Variants in MYO3B observed in about 807,000 individuals in gnomAD.
MYO3B encodes the protein myosin IIIB.
Under a neutral mutation model 174.6 loss-of-function variants are expected in MYO3B, and 156 were observed. The observed-to-expected ratio is 0.89, with a 90% confidence interval of 0.78 to 1.02. The LOEUF (loss-of-function observed/expected upper bound fraction) is 1.02. Among genes scored for constraint, MYO3B ranks in the 50% least tolerant of loss-of-function variants. MYO3B has a pLI of 0.00. For missense variants in MYO3B, 1,632 were observed against 1,639.4 expected, an observed-to-expected ratio of 1.00 and a Z score of 0.08; for synonymous variants, 563 against 569.1, an observed-to-expected ratio of 0.99 and a Z score of 0.15.
In MYO3B at chr2:170,499,824, C is replaced by A. The variant is rs1282416783; in HGVS notation, c.3289+16C>A. The A allele has an allele frequency of 1.2e-6, 2 of 1,612,380 alleles. No individual in the cohort carries two copies. Among genetic ancestry groups the A allele is most frequent in the African/African-American group, 1.3e-5 (1 of 75,002 alleles). On this transcript the variant is annotated intron_variant, in intron 27 of 34. Coordinates refer to ENST00000408978, the MANE Select transcript of MYO3B (RefSeq NM_138995.5). ...ATCCAGTCAGGTAAATGGTCCTGTTCTCATAAATACTGCCCTGGGTATTGG... is the reference window on the plus strand; with the variant it reads ...ATCCAGTCAGGTAAATGGTCCTGTTATCATAAATACTGCCCTGGGTATTGG...
rs2094808309 is a variant in MYO3B at position 170,442,499 on chromosome 2, T to G, written c.2651-1468T>G. Reference sequence around the variant, plus strand: ...CTTGTTATTTAGTAGGAGGTGTTCTTTTTTTTTTTTTTTTTTAATTATACT... The same window carrying G: ...CTTGTTATTTAGTAGGAGGTGTTCTGTTTTTTTTTTTTTTTTAATTATACT... On this transcript the variant is annotated intron_variant, in intron 22 of 34. Coordinates refer to ENST00000408978, the MANE Select transcript of MYO3B (RefSeq NM_138995.5). Among the ~76,000 whole-genome samples the G allele has an allele frequency of 1.8e-4, 3 of 16,680 alleles. No individual in the cohort carries two copies. The Admixed American group carries it at 1.9e-3, about 10-fold the overall frequency. The allele number at this position is 16,680 out of a possible 152,430, so 10.9% of individuals were successfully genotyped here.
In MYO3B at chr2:170,562,677, A is replaced by G. The variant is rs890712175; in HGVS notation, c.3733+18689A>G. Among the ~76,000 whole-genome samples the G allele has an allele frequency of 7.2e-5, 11 of 152,328 alleles. No individual in the cohort carries two copies. In the South Asian group the frequency reaches 1.9e-3, roughly 26 times the overall value. On this transcript the variant is annotated intron_variant, in intron 32 of 34. Coordinates refer to ENST00000408978, the MANE Select transcript of MYO3B (RefSeq NM_138995.5). Reference sequence around the variant, plus strand: ...CAGTAATGAGGCTGTGCATTGACAGATATTTGAGTCATCCTTTCTGCCTCC... The same window carrying G: ...CAGTAATGAGGCTGTGCATTGACAGGTATTTGAGTCATCCTTTCTGCCTCC...
intron 32 of MYO3B, among the ~76,000 whole-genome samples, chr2:170,597,209 A>G (rs181723565): frequency 1.3e-5 from 2 of 152,024 alleles, no homozygotes; most frequent in East Asian, 1.9e-4. Flanking sequence ...CGGCTCTACT[A>G]AAATACAAAC....
chr2:170,271,691 A>G (rs781305170), intron 7 of MYO3B, among the ~76,000 whole-genome samples: 3 of 152,186 alleles, frequency 2.0e-5, no homozygotes, highest in Non-Finnish European at 4.4e-5. Context: ...GAAGGCATGT[A>G]TCAGTGCTAC....
intron 8 of MYO3B, among the ~76,000 whole-genome samples, chr2:170,364,075 TC>T (rs1347860810): frequency 2.0e-5 from 3 of 152,134 alleles, no homozygotes; most frequent in Non-Finnish European, 4.4e-5. Flanking sequence ...ACAATAGCCC[TC>T]CAGAGTGTCT....
chr2:170,507,738 G>A (rs1056275953), intron 28 of MYO3B, among the ~76,000 whole-genome samples: 4 of 139,894 alleles, frequency 2.9e-5, no homozygotes, highest in Non-Finnish European at 4.6e-5. Flanking sequence ...TCTTGTAGGG[G>A]GAAATGTCTA....
At chr2:170,284,268 G>C (rs1337774133) in intron 7 of MYO3B, among the ~76,000 whole-genome samples, 1 of 152,100 alleles carries the variant, frequency 6.6e-6, no homozygotes, top group Non-Finnish European at 1.5e-5. Flanking sequence ...AATCAAACAT[G>C]GACTTTCAAG....
At chr2:170,263,321 C>T (rs2093359073) in intron 7 of MYO3B, among the ~76,000 whole-genome samples, 1 of 152,098 alleles carries the variant, frequency 6.6e-6, no homozygotes, top group South Asian at 2.1e-4. Context: ...CTGGCCTGCC[C>T]CTCCACACCT....
chr2:170,642,500 C>G (rs1396169070), intron 32 of MYO3B, among the ~76,000 whole-genome samples: 2 of 152,128 alleles, frequency 1.3e-5, no homozygotes, highest in Non-Finnish European at 2.9e-5. Flanking sequence ...GAGAAAATCT[C>G]TCTTTCTGGT....
chr2:170,373,070 A>T (rs1272714642), intron 9 of MYO3B, among the ~76,000 whole-genome samples: 2 of 152,160 alleles, frequency 1.3e-5, no homozygotes, highest in African/African-American at 4.8e-5. Flanking sequence ...TTCTGATTGC[A>T]GTATGGAGAA....
intron 7 of MYO3B, among the ~76,000 whole-genome samples, chr2:170,243,841 C>T (rs918442394): frequency 1.3e-5 from 2 of 152,270 alleles, no homozygotes; most frequent in Middle Eastern, 3.4e-3. Flanking sequence ...AGAATGAAGG[C>T]TGATTTCTGA....
At chr2:170,216,520 C>T (rs962821898) in intron 5 of MYO3B, among the ~76,000 whole-genome samples, 1 of 152,120 alleles carries the variant, frequency 6.6e-6, no homozygotes, top group African/African-American at 2.4e-5. Context: ...TGGACCTTTA[C>T]GCTCTCGTGA....
intron 8 of MYO3B, among the ~76,000 whole-genome samples, chr2:170,337,629 C>T (rs977506358): frequency 6.6e-6 from 1 of 152,278 alleles, no homozygotes; most frequent in Admixed American, 6.5e-5. Flanking sequence ...GCTGACTACC[C>T]CCCACCTTAT....
chr2:170,292,581 T>C (rs1007208107), intron 7 of MYO3B, among the ~76,000 whole-genome samples: 3 of 152,200 alleles, frequency 2.0e-5, no homozygotes, highest in Admixed American at 6.5e-5. Context: ...AGTATATCTT[T>C]ATCACAAGGT....
chr2:170,404,299 A>C lies in MYO3B; in HGVS notation c.2330A>C (p.Asn777Thr), dbSNP rs1427443952. Residue 777 changes from asparagine (N) to threonine (T), a missense_variant, in exon 20 of 35, where the codon AAC (asparagine) becomes ACC (threonine). Coordinates refer to ENST00000408978, the MANE Select transcript of MYO3B (RefSeq NM_138995.5). ...GCTGTACCCGTGGAATATGAGGACAACCGCCCGCTCTTGGACATGTTCCTC... is the reference window on the plus strand; with the variant it reads ...GCTGTACCCGTGGAATATGAGGACACCCGCCCGCTCTTGGACATGTTCCTC... ...IDAVPVEYEDNRPLLDMFLQK... is the reference protein window; with the variant it reads ...IDAVPVEYEDTRPLLDMFLQK... The C allele has an allele frequency of 1.9e-6, 3 of 1,613,644 alleles. No homozygotes were observed. Among genetic ancestry groups the C allele is most frequent in the Non-Finnish European group, 2.5e-6 (3 of 1,179,762 alleles).
intron 32 of MYO3B, among the ~76,000 whole-genome samples, chr2:170,576,974 C>T (rs1692825079): frequency 6.6e-6 from 1 of 152,128 alleles, no homozygotes; most frequent in African/African-American, 2.4e-5. Flanking sequence ...CCTCTTTGCC[C>T]CCATTGTATA....
chr2:170,469,296 CA>C (rs778481769), intron 25 of MYO3B, among the ~76,000 whole-genome samples: 1 of 152,168 alleles, frequency 6.6e-6, no homozygotes. Flanking sequence ...ACCTGCATGA[CA>C]AGAAGGCAGG....
chr2:170,411,429 T>C (rs1280842555), intron 22 of MYO3B, among the ~76,000 whole-genome samples: 4 of 152,236 alleles, frequency 2.6e-5, no homozygotes, highest in Non-Finnish European at 5.9e-5. Context: ...CTATACTGAA[T>C]GTTGTAGTTA....
At chr2:170,572,273 C>G (rs1348265538) in intron 32 of MYO3B, among the ~76,000 whole-genome samples, 1 of 151,904 alleles carries the variant, frequency 6.6e-6, no homozygotes, top group Non-Finnish European at 1.5e-5. Flanking sequence ...ACTAAAAATA[C>G]AAAAATTAGC....
Sources: gnomAD v4.1 joint callset for allele counts (sites outside exome capture counted in the v4.1 genomes callset) on GRCh38, gnomAD v4.1.1 for gene constraint, MANE v1.5 for transcripts, NCBI Gene and HGNC (gene_info 2026-07-23, HGNC 2026-07-21) for gene names.